The following MAP3K20 variants were observed in gnomAD, a reference collection of about 807,000 sequenced individuals.
MAP3K20 encodes the protein HCCS-4.
MAP3K20 carries 40 observed loss-of-function variants against 85.7 expected under a neutral mutation model. That is an observed-to-expected ratio of 0.47 (90% CI 0.36 to 0.61). The LOEUF (loss-of-function observed/expected upper bound fraction) is 0.61, where lower values mean the gene tolerates loss of function less well. MAP3K20 is among the 20% of genes least tolerant of loss of function. The pLI is 0.00. For synonymous variants in MAP3K20, 325 were observed against 327.7 expected (o/e 0.99, Z 0.09); for missense variants, 817 against 961.7 (o/e 0.85, Z 1.99).
rs565837423 is a variant in MAP3K20, at chr2:173,176,305, G to A, written c.247+6413G>A. ...TTTCTACCTTTAAAATAAAGATAAT[G>A]ATGAATAAAAATAAAAACATAACAT... On this transcript the variant is annotated intron_variant, in intron 3 of 19. Coordinates refer to ENST00000375213, the MANE Select transcript of MAP3K20 (RefSeq NM_016653.3). Among the ~76,000 whole-genome samples the A allele has an allele frequency of 8.8e-4, 134 of 151,996 alleles. No homozygotes were observed. In the South Asian group the frequency reaches 0.016, roughly 18 times the overall value.
intron 16 of MAP3K20, among the ~76,000 whole-genome samples, chr2:173,240,655 G>A (rs1684758395): frequency 6.6e-6 from 1 of 152,170 alleles, no homozygotes; most frequent in African/African-American, 2.4e-5. Flanking sequence ...CACTTAGAAT[G>A]GCTTATATCC....
At chr2:173,222,985 G>A (rs968006457) in intron 11 of MAP3K20, 10 of 985,346 alleles carry the variant, frequency 1.0e-5, no homozygotes, top group Non-Finnish European at 1.2e-5. Context: ...TATTTTTGGT[G>A]GGTCTTTTTA....
chr2:173,143,156 G>A (rs192664628), intron 2 of MAP3K20, among the ~76,000 whole-genome samples: 1 of 152,180 alleles, frequency 6.6e-6, no homozygotes, highest in Non-Finnish European at 1.5e-5. Flanking sequence ...AGAGGGGTAT[G>A]CAAATAGAAA....
intron 7 of MAP3K20, among the ~76,000 whole-genome samples, chr2:173,196,735 A>G (rs1023073089): frequency 6.6e-6 from 1 of 152,140 alleles, no homozygotes; most frequent in Non-Finnish European, 1.5e-5. Context: ...ATTAGAAATG[A>G]GCTTTTGTTT....
At chr2:173,120,801 G>A (rs1390512647) in intron 2 of MAP3K20, among the ~76,000 whole-genome samples, 1 of 142,638 alleles carries the variant, frequency 7.0e-6, no homozygotes, top group East Asian at 2.1e-4. Flanking sequence ...TCCGCTTCCC[G>A]GGTTCAAGCA....
chr2:173,149,383 G>A (rs573132129), intron 2 of MAP3K20, among the ~76,000 whole-genome samples: 1 of 152,166 alleles, frequency 6.6e-6, no homozygotes, highest in South Asian at 2.1e-4. Flanking sequence ...CCAAAGTCTG[G>A]AGCTTAGTTA....
intron 2 of MAP3K20, among the ~76,000 whole-genome samples, chr2:173,148,265 A>T (rs1328951812): frequency 6.6e-6 from 1 of 152,050 alleles, no homozygotes; most frequent in Non-Finnish European, 1.5e-5. Flanking sequence ...CCTTAAGTGG[A>T]CATGTTTTTG....
At chr2:173,090,325 G>A (rs990300381) in intron 1 of MAP3K20, among the ~76,000 whole-genome samples, 10 of 152,126 alleles carry the variant, frequency 6.6e-5, no homozygotes, top group African/African-American at 1.7e-4. Context: ...ATTTTTTAAC[G>A]TCCTTGGCAG....
intron 10 of MAP3K20, among the ~76,000 whole-genome samples, chr2:173,216,616 C>T (rs764630218): frequency 5.3e-5 from 8 of 151,976 alleles, no homozygotes; most frequent in Admixed American, 3.3e-4. Context: ...GAAACTGAGA[C>T]AGGTTAGTCA....
At chr2:173,195,673 T>C (rs745745933) in intron 7 of MAP3K20, among the ~76,000 whole-genome samples, 1 of 148,994 alleles carries the variant, frequency 6.7e-6, no homozygotes, top group East Asian at 2.0e-4. Context: ...TCCTATCTTA[T>C]ACCACCTGCT....
chr2:173,114,923 T>C (rs1024321133), intron 2 of MAP3K20, among the ~76,000 whole-genome samples: 2 of 152,226 alleles, frequency 1.3e-5, no homozygotes, highest in African/African-American at 4.8e-5. Flanking sequence ...CAGATGTTCT[T>C]TGTGCTTCTT....
intron 16 of MAP3K20, among the ~76,000 whole-genome samples, chr2:173,242,122 G>GA (rs1282014230): frequency 6.6e-6 from 1 of 151,164 alleles, no homozygotes; most frequent in Non-Finnish European, 1.5e-5. Flanking sequence ...AAAGAAGAGA[G>GA]AAAAAATTTC....
chr2:173,112,113 T>C (rs1014851402), intron 2 of MAP3K20, among the ~76,000 whole-genome samples: 3 of 152,200 alleles, frequency 2.0e-5, no homozygotes, highest in Admixed American at 1.3e-4. Flanking sequence ...TAGTTTTCCT[T>C]ATAGAGGGCT....
chr2:173,202,874 T>C (rs749662611), intron 8 of MAP3K20, among the ~76,000 whole-genome samples: 15 of 152,206 alleles, frequency 9.9e-5, no homozygotes, highest in Non-Finnish European at 2.2e-4. Context: ...TTTTATTTGG[T>C]AGATGCATTC....
At chr2:173,164,990 C>T (rs1315197653) in intron 2 of MAP3K20, among the ~76,000 whole-genome samples, 1 of 151,968 alleles carries the variant, frequency 6.6e-6, no homozygotes, top group Non-Finnish European at 1.5e-5. Flanking sequence ...AGGAACTGGC[C>T]CCAGCTGGAA....
intron 1 of MAP3K20, among the ~76,000 whole-genome samples, chr2:173,088,450 T>G (rs1452081187): frequency 6.6e-6 from 1 of 152,162 alleles, no homozygotes; most frequent in Non-Finnish European, 1.5e-5. Flanking sequence ...TAATAGATAA[T>G]ATCTAAAATG....
intron 2 of MAP3K20, among the ~76,000 whole-genome samples, chr2:173,100,822 A>G (rs1403286157): frequency 6.6e-6 from 1 of 152,142 alleles, no homozygotes; most frequent in African/African-American, 2.4e-5. Context: ...TTTGAATTGG[A>G]GAGTAAGCAA....
chr2:173,260,079 A>G (rs1371060306), intron 17 of MAP3K20, among the ~76,000 whole-genome samples: 2 of 152,210 alleles, frequency 1.3e-5, no homozygotes, highest in Non-Finnish European at 2.9e-5. Context: ...ACAAAAAACT[A>G]GCCCAGGCTG....
At chr2:173,164,369 C>CTATG (rs2106243767) in intron 2 of MAP3K20, among the ~76,000 whole-genome samples, 1 of 152,248 alleles carries the variant, frequency 6.6e-6, no homozygotes, top group East Asian at 1.9e-4. Flanking sequence ...TGAAAAGTGT[C>CTATG]TATGCATGTT....
Sources: gnomAD v4.1 joint callset for allele counts (sites outside exome capture counted in the v4.1 genomes callset) on GRCh38, gnomAD v4.1.1 for gene constraint, MANE v1.5 for transcripts, NCBI Gene and HGNC (gene_info 2026-07-23, HGNC 2026-07-21) for gene names.